The following ADAMTSL1 variants were observed in gnomAD, a reference collection of about 807,000 sequenced individuals.
ADAMTSL1 encodes the protein ADAMTS like 1.
ADAMTSL1 carries 126 observed loss-of-function variants against 201.8 expected under a neutral mutation model. The ratio of observed to expected loss-of-function variants is 0.62; its 90% CI spans 0.54 to 0.72. The LOEUF (loss-of-function observed/expected upper bound fraction) is 0.72, where lower values mean the gene tolerates loss of function less well. ADAMTSL1 is among the 30% of genes least tolerant of loss of function. The pLI is 0.00. For missense variants in ADAMTSL1, 2,679 were observed against 2,277.8 expected (o/e 1.18, Z -3.59); for synonymous variants, 1,121 against 903.4 (o/e 1.24, Z -4.32).
At chr9:18,735,527 A>G (rs1180925975) in intron 15 of ADAMTSL1, among the ~76,000 whole-genome samples, 1 of 152,202 alleles carries the variant, frequency 6.6e-6, no homozygotes, top group Non-Finnish European at 1.5e-5. Flanking sequence ...AGAAACAGCA[A>G]TGCTACAGAG....
At chr9:18,857,516 A>G (rs1474057224) in intron 23 of ADAMTSL1, among the ~76,000 whole-genome samples, 1 of 152,234 alleles carries the variant, frequency 6.6e-6, no homozygotes, top group Non-Finnish European at 1.5e-5. Context: ...GACTTTGGCA[A>G]GAACATCACA....
Position 18,909,165 on chromosome 9 carries a change from C to G in ADAMTSL1, c.*617C>G, listed in dbSNP as rs1830475675. The G allele has an allele frequency of 6.5e-6, 1 of 152,734 alleles. No individual in the cohort carries two copies. The highest frequency in any genetic ancestry group is 1.5e-5 in the Non-Finnish European group (1 of 68,492). 9.5% of individuals were successfully genotyped at this position (152,734 alleles called of 1,614,324 possible). On this transcript the variant is annotated 3_prime_UTR_variant, in exon 29 of 29. Transcript: ENST00000380548. ...GGGAGAGGTAAAAAAGCAAACAAAG[C>G]AGGCTCTAAGGCACACAACATTGCA...
At chr9:18,729,080 C>T (rs1259124802) in intron 15 of ADAMTSL1, among the ~76,000 whole-genome samples, 3 of 152,140 alleles carry the variant, frequency 2.0e-5, no homozygotes, top group Non-Finnish European at 2.9e-5. Flanking sequence ...AATTAATGCC[C>T]TCCTATCCCA....
At chr9:18,399,933 A>G (rs1817920653) in intron 2 of ADAMTSL1, among the ~76,000 whole-genome samples, 1 of 152,104 alleles carries the variant, frequency 6.6e-6, no homozygotes, top group African/African-American at 2.4e-5. Context: ...TACATCAAAA[A>G]CCACAATAAC....
In ADAMTSL1 at chr9:18,515,424, T is replaced by C. The variant is rs1023219921; in HGVS notation, c.191+10468T>C. On this transcript the variant is annotated intron_variant, in intron 2 of 28. Transcript: ENST00000380548. Reference sequence around the variant, plus strand: ...ATCTCGGCTCACTGCAACCTTTGCCTCCCAGTTTCAAACCGTCCTCCTATC... The same window carrying C: ...ATCTCGGCTCACTGCAACCTTTGCCCCCCAGTTTCAAACCGTCCTCCTATC... Among the ~76,000 whole-genome samples, 6 of 152,280 alleles carry C rather than the reference T, an allele frequency of 3.9e-5. No individual in the cohort carries two copies. The South Asian group carries it at 8.3e-4, about 21-fold the overall frequency.
chr9:18,394,056 C>T (rs1462440610), intron 2 of ADAMTSL1, among the ~76,000 whole-genome samples: 2 of 152,138 alleles, frequency 1.3e-5, no homozygotes, highest in Non-Finnish European at 2.9e-5. Context: ...ACCAATTGTC[C>T]TGACTGAATG....
upstream of ADAMTSL1, among the ~76,000 whole-genome samples, chr9:18,472,635 A>C (rs574073847): frequency 3.7e-4 from 57 of 152,336 alleles, no homozygotes; most frequent in African/African-American, 1.3e-3. Flanking sequence ...AGGTATGTAC[A>C]TAGGCAGACC....
At chr9:18,408,132 A>G (rs985198075) in intron 2 of ADAMTSL1, among the ~76,000 whole-genome samples, 12 of 152,146 alleles carry the variant, frequency 7.9e-5, no homozygotes, top group African/African-American at 2.9e-4. Flanking sequence ...AATTTTCTTT[A>G]AGTTCAAGCT....
chr9:18,809,013 T>C (rs959810333), intron 20 of ADAMTSL1, among the ~76,000 whole-genome samples: 1 of 152,176 alleles, frequency 6.6e-6, no homozygotes, highest in African/African-American at 2.4e-5. Flanking sequence ...CAGATACTTA[T>C]TGAGAATCTA....
intron 2 of ADAMTSL1, among the ~76,000 whole-genome samples, chr9:18,289,170 T>TATCTATC (rs763390848): frequency 0.015 from 1,828 of 122,084 alleles, 44 homozygotes; most frequent in African/African-American, 0.048. Flanking sequence ...TCTATCTATC[T>TATCTATC]ATCTACCTAC....
At chr9:17,992,474 G>T (rs868280183) in intron 1 of ADAMTSL1, among the ~76,000 whole-genome samples, 137 of 152,252 alleles carry the variant, frequency 9.0e-4, no homozygotes, top group Middle Eastern at 3.4e-3. Flanking sequence ...CTTTTCAGAT[G>T]AATGCTTGTA....
chr9:18,871,144 T>G (rs1318863260), intron 23 of ADAMTSL1, among the ~76,000 whole-genome samples: 2 of 152,202 alleles, frequency 1.3e-5, no homozygotes, highest in Non-Finnish European at 2.9e-5. Flanking sequence ...ACCTTTGGAT[T>G]TTTTATCATT....
intron 1 of ADAMTSL1, among the ~76,000 whole-genome samples, chr9:17,927,453 C>T (rs1363252884): frequency 2.6e-5 from 4 of 151,696 alleles, no homozygotes; most frequent in Non-Finnish European, 4.4e-5. Context: ...TATACATATA[C>T]ATGCATGCAG....
At chr9:18,355,233 A>G (rs1198009886) in intron 2 of ADAMTSL1, among the ~76,000 whole-genome samples, 2 of 152,208 alleles carry the variant, frequency 1.3e-5, no homozygotes, top group Admixed American at 6.5e-5. Context: ...AAATGAACCA[A>G]TACCAGTTAT....
intron 3 of ADAMTSL1, among the ~76,000 whole-genome samples, chr9:18,561,676 G>A (rs1296922502): frequency 6.6e-6 from 1 of 152,022 alleles, no homozygotes; most frequent in Admixed American, 6.6e-5. Context: ...TCTCTTTTAG[G>A]TCTCTAAGAA....
intron 2 of ADAMTSL1, among the ~76,000 whole-genome samples, chr9:18,330,450 A>T (rs1473040335): frequency 1.3e-5 from 2 of 151,474 alleles, no homozygotes; most frequent in African/African-American, 4.9e-5. Context: ...TCTTTGTTTC[A>T]TCAAAAAAAA....
At chr9:18,301,690 G>A (rs528620910) in intron 2 of ADAMTSL1, among the ~76,000 whole-genome samples, 2 of 152,092 alleles carry the variant, frequency 1.3e-5, no homozygotes, top group Admixed American at 6.5e-5. Flanking sequence ...GTTAAACCAT[G>A]GATAAGGAGG....
chr9:17,962,759 T>A (rs1228412407), intron 1 of ADAMTSL1, among the ~76,000 whole-genome samples: 1 of 152,268 alleles, frequency 6.6e-6, no homozygotes, highest in Non-Finnish European at 1.5e-5. Context: ...AAATTTCAGG[T>A]ATGCTTTCAT....
At chr9:18,643,267 AT>A (rs1827565409) in intron 7 of ADAMTSL1, among the ~76,000 whole-genome samples, 1 of 151,730 alleles carries the variant, frequency 6.6e-6, no homozygotes, top group Non-Finnish European at 1.5e-5. Flanking sequence ...TTTCAGTCAG[AT>A]TGTTTTCTTG....
Sources: gnomAD v4.1 joint callset for allele counts (sites outside exome capture counted in the v4.1 genomes callset) on GRCh38, gnomAD v4.1.1 for gene constraint, MANE v1.5 for transcripts, NCBI Gene and HGNC (gene_info 2026-07-23, HGNC 2026-07-21) for gene names.